Variants in IL2RG observed in about 807,000 individuals in gnomAD.
The protein encoded by IL2RG is cytokine receptor common subunit gamma.
For missense variants in IL2RG, 205 were observed against 272.9 expected (o/e 0.75, Z 1.75); for synonymous variants, 111 against 108.5 (o/e 1.02, Z -0.15).
At position 71,110,204 on chromosome X, in the gene IL2RG, A is replaced by G; in HGVS notation, c.546T>C (p.Cys182=). ...LNWNNRFLNH[C]LEHLVQYRTD... is the part of the protein sequence containing the mutation. ...TCCGGTACTGCACCAAGTGCTCCAA[A>G]CAGTGGTTCAAGAATCTGTTGTTCC... Residue 182 remains cysteine, a synonymous_variant, in exon 4 of 8, where the codon TGT becomes TGC. Coordinates refer to ENST00000374202, the MANE Select transcript of IL2RG (RefSeq NM_000206.3). The G allele has an allele frequency of 8.3e-7, 1 of 1,210,372 alleles. No homozygotes were observed. The highest frequency in any genetic ancestry group is 1.1e-6 in the Non-Finnish European group (1 of 894,424).
intron 4 of IL2RG, 125 bp downstream of exon 4, chrX:71,110,031 G>C: frequency 1.5e-6 from 1 of 677,207 alleles, no homozygotes; most frequent in Non-Finnish European, 2.4e-6. Context: ...AGGGTAGGGG[G>C]TGAGCAGAGA....
Position 71,107,712 on chromosome X carries a change from G to A in IL2RG, c.*24C>T. On this transcript the variant is annotated 3_prime_UTR_variant, in exon 8 of 8. Transcript: ENST00000374202. ...CCACTTAGGGCTACAGGACCCTGGG[G>A]TTCTTCTGTCAGAGGATTGGGGTTC... 1 of 1,111,399 alleles carries A rather than the reference G, an allele frequency of 9.0e-7. No individual in the cohort carries two copies. The highest frequency in any genetic ancestry group is 1.2e-6 in the Non-Finnish European group (1 of 841,767). The allele number at this position is 1,111,399 out of a possible 1,213,427, so 91.6% of individuals were successfully genotyped here. A position where few individuals can be genotyped will look rare whatever the true frequency, so the allele number is the denominator to read the frequency against.
In IL2RG at chrX:71,107,697, C is replaced by G; in HGVS notation, c.*39G>C. 9.4e-7 allele frequency: 1 copy of G among 1,066,172 alleles called. No individual in the cohort carries two copies. The highest frequency in any genetic ancestry group is 1.2e-6 in the Non-Finnish European group (1 of 804,473). The allele number at this position is 1,066,172 out of a possible 1,213,427, so 87.9% of individuals were successfully genotyped here. A position where few individuals can be genotyped will look rare whatever the true frequency, so the allele number is the denominator to read the frequency against. ...GAAGGAAAGTTAGTACCACTTAGGG[C>G]TACAGGACCCTGGGGTTCTTCTGTC... On this transcript the variant is annotated 3_prime_UTR_variant, in exon 8 of 8. Coordinates refer to ENST00000374202, the MANE Select transcript of IL2RG (RefSeq NM_000206.3).
rs983825472 is a variant in IL2RG at position 71,108,140 on chromosome X, T to G, written c.924+137A>C. On this transcript the variant is annotated intron_variant, in intron 7 of 7. Transcript: ENST00000374202. ...TCTCTCTGTATAGTCCATGCCCCATTTGGTCGGCCACATCCTGACAGTTAG... is the reference window on the plus strand; with the variant it reads ...TCTCTCTGTATAGTCCATGCCCCATGTGGTCGGCCACATCCTGACAGTTAG... The G allele has an allele frequency of 7.1e-6, 4 of 561,322 alleles. No individual in the cohort carries two copies. In the African/African-American group the frequency reaches 9.0e-5, roughly 13 times the overall value. The allele number at this position is 561,322 out of a possible 1,213,427, so 46.3% of individuals were successfully genotyped here. A position where few individuals can be genotyped will look rare whatever the true frequency, so the allele number is the denominator to read the frequency against.
At chrX:71,110,372 C>T (rs1459809183) in intron 3 of IL2RG, 77 bp from the exon 4 acceptor site, 2 of 1,118,266 alleles carry the variant, frequency 1.8e-6, no homozygotes, top group African/African-American at 1.8e-5. Context: ...CCCCTAATAC[C>T]TCCTCCCTTC....
At chrX:71,111,397 C>T (rs1185094240) in intron 1 of IL2RG, 28 bp downstream of exon 1, 2 of 1,208,917 alleles carry the variant, frequency 1.7e-6, no homozygotes, top group East Asian at 5.9e-5. Flanking sequence ...CCCTTCTCAC[C>T]AGCCCCCTCC....
At position 71,108,694 on chromosome X, in the gene IL2RG, C is replaced by A. The variant is rs200239526; in HGVS notation, c.759G>T (p.Glu253Asp). ...PIHWGSNTSKENPFLFALEAV... is the reference protein window; with the variant it reads ...PIHWGSNTSKDNPFLFALEAV... ...CTTCCAATGCAAACAGGAAAGGATT[C>A]TCTATAGAAAAAAGAAAAGCAAAGT... The change falls in exon 6 of 8, where the codon GAG (glutamate) becomes GAT (aspartate). Residue 253 changes from glutamate (E) to aspartate (D), a missense_variant and splice_region_variant. By Grantham distance (45) the Glu-to-Asp change is conservative. Coordinates refer to ENST00000374202, the MANE Select transcript of IL2RG (RefSeq NM_000206.3). 3.3e-5 allele frequency: 38 copies of A among 1,162,901 alleles called. No homozygotes were observed. The East Asian group carries it at 1.1e-3, about 33-fold the overall frequency.
chrX:71,109,321 G>A lies in IL2RG; in HGVS notation c.664C>T (p.Arg222Cys), dbSNP rs111033618. ...AGTGGGTTAAAGCGGCTCCGAACAC[G>A]AAACGTGTAGCGTTTCTGCCCATCC... ...SVDGQKRYTF[R>C]VRSRFNPLCG... The change falls in exon 5 of 8, where the codon CGT becomes TGT. Residue 222 changes from arginine to cysteine, a missense_variant. Physicochemically the swap from Arg to Cys is radical, Grantham distance 180. Transcript: ENST00000374202. The A allele has an allele frequency of 8.3e-7, 1 of 1,210,363 alleles. No individual in the cohort carries two copies. Among genetic ancestry groups the A allele is most frequent in the Non-Finnish European group, 1.1e-6 (1 of 894,081 alleles).
chrX:71,108,256 T>C (rs1207521226), intron 7 of IL2RG, 21 bp downstream of exon 7: 3 of 1,128,339 alleles, frequency 2.7e-6, no homozygotes, highest in Non-Finnish European at 3.7e-6. Context: ...GACTGCAGCA[T>C]GCTTATGACA....
intron 6 of IL2RG, 119 bp downstream of exon 6, chrX:71,108,480 C>T: frequency 1.4e-6 from 1 of 690,931 alleles, no homozygotes; most frequent in Non-Finnish European, 2.3e-6. Context: ...ACCAAACCCT[C>T]TTGGGTAATC....
Position 71,111,033 on chromosome X carries a change from T to C in IL2RG, c.133A>G (p.Met45Val), listed in dbSNP as rs1173646768. Residue 45 changes from methionine (M) to valine (V), a missense_variant, in exon 2 of 8, where the codon ATG (methionine) becomes GTG (valine). Physicochemically the swap from Met to Val is conservative, Grantham distance 21 (BLOSUM62 1). Coordinates refer to ENST00000374202, the MANE Select transcript of IL2RG (RefSeq NM_000206.3). ...DTTADFFLTT[M>V]PTDSLSVSTL... ...GAAACACTGAGGGAGTCAGTGGGCA[T>C]AGTGGTCAGGAAGAAATCTAGATTG... 2.5e-6 allele frequency: 3 copies of C among 1,200,208 alleles called. No individual in the cohort carries two copies. In the African/African-American group the frequency reaches 5.2e-5, roughly 21 times the overall value.
At chrX:71,110,830 C>T (rs781775520) in intron 2 of IL2RG, 67 bp downstream of exon 2, 70 of 1,154,726 alleles carry the variant, frequency 6.1e-5, no homozygotes, top group Middle Eastern at 2.5e-4. Flanking sequence ...AGACTTGCTA[C>T]CCTCTCTCTT....
Position 71,108,292 on chromosome X carries a change from G to A in IL2RG, c.909C>T (p.Tyr303=). 2 of 1,201,884 alleles carry A rather than the reference G, an allele frequency of 1.7e-6. No individual in the cohort carries two copies. The highest frequency in any genetic ancestry group is 2.2e-5 in the Admixed American group (1 of 45,722). ...GCGTTCTCACCGAAAAGTTCCCGTG[G>A]TATTCAGTAACAAGATCCTCTAGGT... is the stretch of plus-strand genomic sequence containing the variant. ...LKNLEDLVTE[Y]HGNFSAWSGV... Residue 303 remains tyrosine, a synonymous_variant, in exon 7 of 8, where the codon TAC becomes TAT. Coordinates refer to ENST00000374202, the MANE Select transcript of IL2RG (RefSeq NM_000206.3).
chrX:71,108,692 T>A lies in IL2RG; in HGVS notation c.761A>T (p.Asn254Ile), dbSNP rs368726465. The A allele has an allele frequency of 6.9e-6, 8 of 1,164,011 alleles. No individual in the cohort carries two copies. In the African/African-American group the frequency reaches 1.4e-4, roughly 21 times the overall value. The change falls in exon 6 of 8, where the codon AAT becomes ATT. Residue 254 changes from asparagine (N) to isoleucine (I), a missense_variant. By Grantham distance (149) the Asn-to-Ile change is moderately radical. Coordinates refer to ENST00000374202, the MANE Select transcript of IL2RG (RefSeq NM_000206.3). ...GGCTTCCAATGCAAACAGGAAAGGA[T>A]TCTCTATAGAAAAAAGAAAAGCAAA... ...IHWGSNTSKE[N>I]PFLFALEAVV...
Position 71,107,782 on chromosome X carries a change from C to A in IL2RG, c.1064G>T (p.Ser355Ile). The A allele has an allele frequency of 8.5e-7, 1 of 1,173,659 alleles. No homozygotes were observed. Among genetic ancestry groups the A allele is most frequent in the Admixed American group, 2.5e-5 (1 of 39,628 alleles). The change falls in exon 8 of 8, where the codon AGC becomes ATC. Residue 355 changes from serine to isoleucine, a missense_variant. Transcript: ENST00000374202. ...GPGASPCNQH[S>I]PYWAPPCYTL... ...GTAACATGGGGGGGCCCAGTAGGGG[C>A]TATGCTGGTTGCATGGGGAGGCCCC...
Position 71,109,118 on chromosome X carries a change from G to T in IL2RG, c.757+110C>A, listed in dbSNP as rs574627464. ...TTGGGGTTAGACAGTGTGGAGAGAT[G>T]GGGCACCAAGTTTAGGGGCTTTAGT... On this transcript the variant is annotated intron_variant, in intron 5 of 7. Transcript: ENST00000374202. 268 of 767,845 alleles carry T rather than the reference G, an allele frequency of 3.5e-4. 1 individual carries two copies. In the South Asian group the frequency reaches 5.7e-3, roughly 16 times the overall value. The allele number at this position is 767,845 out of a possible 1,213,427, so 63.3% of individuals were successfully genotyped here.
chrX:71,107,749 T>C lies in IL2RG; in HGVS notation c.1097A>G (p.Lys366Arg), dbSNP rs779541512. 1.7e-6 allele frequency: 2 copies of C among 1,143,581 alleles called. No individual in the cohort carries two copies. The highest frequency in any genetic ancestry group is 2.3e-6 in the Non-Finnish European group (2 of 862,577). The allele number at this position is 1,143,581 out of a possible 1,213,427, so 94.2% of individuals were successfully genotyped here. The change falls in exon 8 of 8, where the codon AAG becomes AGG. Residue 366 changes from lysine to arginine, a missense_variant. Transcript: ENST00000374202. ...GAGGATTGGGGTTCAGGTTTCAGGCTTTAGGGTGTAACATGGGGGGGCCCA... is the reference window on the plus strand; with the variant it reads ...GAGGATTGGGGTTCAGGTTTCAGGCCTTAGGGTGTAACATGGGGGGGCCCA... ...PYWAPPCYTL[K>R]PET
chrX:71,110,121 C>A lies in IL2RG; in HGVS notation c.594+35G>T, dbSNP rs769306246. The A allele has an allele frequency of 9.1e-6, 11 of 1,202,761 alleles. No individual in the cohort carries two copies. The African/African-American group carries it at 1.1e-4, about 12-fold the overall frequency. ...GAATCCTTTAGCCCTACTTTCTTGG[C>A]CTTAGCTGCTACATTCACGTCCCTA... On this transcript the variant is annotated intron_variant, in intron 4 of 7. Transcript: ENST00000374202.
intron 1 of IL2RG, 127 bp downstream of exon 1, chrX:71,111,298 C>T (rs770823491): frequency 7.5e-5 from 71 of 951,067 alleles, no homozygotes; most frequent in Non-Finnish European, 1.4e-5. Context: ...TCCCCCTTGC[C>T]CTTCCCACTC....
Sources: gnomAD v4.1 joint callset for allele counts on GRCh38, gnomAD v4.1.1 for gene constraint, MANE v1.5 for transcripts, NCBI Gene and HGNC (gene_info 2026-07-23, HGNC 2026-07-21) for gene names.